SLC7A5: variants seen among roughly 807,000 people sequenced by gnomAD.
SLC7A5 encodes the protein large neutral amino acids transporter small subunit 1.
A neutral mutation model predicts 50.2 loss-of-function variants in SLC7A5; 23 were observed. The observed-to-expected ratio is 0.46, with a 90% confidence interval of 0.33 to 0.65. The LOEUF (loss-of-function observed/expected upper bound fraction) is 0.65, where lower values mean the gene tolerates loss of function less well. Ranked by LOEUF, SLC7A5 falls within the 30% of genes least tolerant of loss-of-function variation. SLC7A5 has a pLI of 0.02. For synonymous variants in SLC7A5, 393 were observed against 330.6 expected (o/e 1.19, Z -2.05); for missense variants, 578 against 684.4 (o/e 0.84, Z 1.73).
rs540100031 is a variant in SLC7A5, at chr16:87,833,193, C to T, written c.1469-168G>A. Among the ~76,000 whole-genome samples, 34 of 152,332 alleles carry T rather than the reference C, an allele frequency of 2.2e-4. No individual in the cohort carries two copies. Among genetic ancestry groups the T allele is most frequent in the Non-Finnish European group, 4.3e-4 (29 of 68,028 alleles). ...CCTTGTGTACTTGCGCATGTGGGTG[C>T]CGGGTGCCCGAGGCGCTGTCTTCAA... is the stretch of plus-strand genomic sequence containing the variant. On this transcript the variant is annotated intron_variant, in intron 9 of 9. Transcript: ENST00000261622. This position sits in a 1 kb window ranked among gnomAD's most constrained non-coding sequence, Gnocchi z 6.0.
At chr16:87,854,268 A>G (rs940753770) in intron 1 of SLC7A5, among the ~76,000 whole-genome samples, 4 of 152,138 alleles carry the variant, frequency 2.6e-5, no homozygotes, top group Non-Finnish European at 4.4e-5. Context: ...ATGGCCATAG[A>G]ACAAAGGGGA....
At chr16:87,835,697 A>G (rs563557238) in intron 8 of SLC7A5, among the ~76,000 whole-genome samples, 25 of 152,142 alleles carry the variant, frequency 1.6e-4, no homozygotes, top group East Asian at 1.9e-4. Context: ...GATGGTCTCT[A>G]TCTCCTGACT....
chr16:87,859,613 G>A (rs2055363338), intron 1 of SLC7A5, among the ~76,000 whole-genome samples: 1 of 152,126 alleles, frequency 6.6e-6, no homozygotes. Context: ...CCTCCCTCTG[G>A]AATTCAGGTA....
intron 7 of SLC7A5, chr16:87,837,295 T>G (rs1265265045): frequency 5.6e-6 from 1 of 178,256 alleles, no homozygotes; most frequent in African/African-American, 2.6e-5. Context: ...AGGAAGCCAC[T>G]GTGGAGTGGC....
chr16:87,841,603 T>C lies in SLC7A5; in HGVS notation c.665-448A>G, dbSNP rs2055083826. Among the ~76,000 whole-genome samples the C allele has an allele frequency of 6.6e-6, 1 of 152,104 alleles. No homozygotes were observed. The highest frequency in any genetic ancestry group is 2.4e-5 in the African/African-American group (1 of 41,416). Reference sequence around the variant, plus strand: ...GCCACTAGGGCCCTGCTTCTTGGGGTGCGAGGAGCTCGGAACAGACTGCCC... The same window carrying C: ...GCCACTAGGGCCCTGCTTCTTGGGGCGCGAGGAGCTCGGAACAGACTGCCC... On this transcript the variant is annotated intron_variant, in intron 2 of 9. Coordinates refer to ENST00000261622, the MANE Select transcript of SLC7A5 (RefSeq NM_003486.7). The surrounding 1 kb of genome is among the most constrained non-coding windows in gnomAD (Gnocchi z 4.8).
chr16:87,851,217 A>C (rs1336226330), intron 2 of SLC7A5, among the ~76,000 whole-genome samples: 1 of 151,692 alleles, frequency 6.6e-6, no homozygotes, highest in Non-Finnish European at 1.5e-5. Context: ...CTTCTTTAAA[A>C]AGCAGACAGA....
chr16:87,857,156 T>C (rs2055332016), intron 1 of SLC7A5, among the ~76,000 whole-genome samples: 1 of 151,580 alleles, frequency 6.6e-6, no homozygotes, highest in Admixed American at 6.6e-5. Context: ...GAGAGAGAGG[T>C]CAAAGTGGTC....
intron 7 of SLC7A5, chr16:87,837,614 G>C: frequency 3.8e-6 from 2 of 528,478 alleles, no homozygotes; most frequent in South Asian, 4.6e-5. Flanking sequence ...TCTGCCTCCC[G>C]CATTTCCGAT....
At chr16:87,840,360 G>T in intron 4 of SLC7A5, 69 bp downstream of exon 4, 3 of 1,358,990 alleles carry the variant, frequency 2.2e-6, no homozygotes, top group African/African-American at 1.4e-5. Flanking sequence ...GCTTCGAGTG[G>T]AATGTGGCTG....
intron 1 of SLC7A5, among the ~76,000 whole-genome samples, chr16:87,863,255 A>C (rs2055421231): frequency 6.6e-6 from 1 of 152,292 alleles, no homozygotes; most frequent in Middle Eastern, 3.4e-3. Context: ...TGAGGCCCAC[A>C]GCATCTTCTG....
At position 87,851,855 on chromosome 16, in the gene SLC7A5, G is replaced by A. The variant is rs763275022; in HGVS notation, c.539-6C>T. 8 of 1,612,878 alleles carry A rather than the reference G, an allele frequency of 5.0e-6. No individual in the cohort carries two copies. The highest frequency in any genetic ancestry group is 5.1e-6 in the Non-Finnish European group (6 of 1,179,962). On this transcript the variant is annotated splice_region_variant and splice_polypyrimidine_tract_variant and intron_variant, in intron 1 of 9. Coordinates refer to ENST00000261622, the MANE Select transcript of SLC7A5 (RefSeq NM_003486.7). Reference sequence around the variant, plus strand: ...GTTCACGGCCGTGAGCAGCACTGTGGAGACAGAGGGCAGCGGTGAGTTCCA... The same window carrying A: ...GTTCACGGCCGTGAGCAGCACTGTGAAGACAGAGGGCAGCGGTGAGTTCCA...
At position 87,833,637 on chromosome 16, in the gene SLC7A5, AGGGGTGGGGG is replaced by A; in HGVS notation, c.1469-622_1469-613del. On this transcript the variant is annotated intron_variant, in intron 9 of 9. Coordinates refer to ENST00000261622, the MANE Select transcript of SLC7A5 (RefSeq NM_003486.7). The surrounding 1 kb of genome is among the most constrained non-coding windows in gnomAD (Gnocchi z 6.0). Reference sequence around the variant, plus strand: ...CCTGGCGGTGATCAGAGTGTGGGGTAGGGGTGGGGGGTCTCCCTGCCTGTGTTGCTGCCAT... The same window carrying A: ...CCTGGCGGTGATCAGAGTGTGGGGTAGTCTCCCTGCCTGTGTTGCTGCCAT... Among the ~76,000 whole-genome samples, 1 of 123,852 alleles carries A rather than the reference AGGGGTGGGGG, an allele frequency of 8.1e-6. No individual in the cohort carries two copies. Among genetic ancestry groups the A allele is most frequent in the African/African-American group, 6.3e-5 (1 of 15,766 alleles). The allele number at this position is 123,852 out of a possible 152,430, so 81.3% of individuals were successfully genotyped here.
chr16:87,863,061 G>T (rs1192946670), intron 1 of SLC7A5, among the ~76,000 whole-genome samples: 1 of 152,240 alleles, frequency 6.6e-6, no homozygotes, highest in Non-Finnish European at 1.5e-5. Context: ...TCACCCAACT[G>T]GGACAGGGAA....
intron 1 of SLC7A5, among the ~76,000 whole-genome samples, chr16:87,864,680 C>T (rs2055439603): frequency 6.6e-6 from 1 of 152,250 alleles, no homozygotes; most frequent in South Asian, 2.1e-4. Context: ...AGGGTCCCAG[C>T]CGCTTATAGG....
Position 87,834,637 on chromosome 16 carries a change from TC to T in SLC7A5, c.1291-47del, listed in dbSNP as rs1251344925. 3 of 1,552,710 alleles carry T rather than the reference TC, an allele frequency of 1.9e-6. No individual in the cohort carries two copies. In the East Asian group the frequency reaches 7.1e-5, roughly 37 times the overall value. ...TGGGTGAGCCCTCTCCTGTCCAGCC[TC>T]CCTCCCCCATGCCCCGAGGTTCCTC... On this transcript the variant is annotated intron_variant, in intron 8 of 9. Coordinates refer to ENST00000261622, the MANE Select transcript of SLC7A5 (RefSeq NM_003486.7).
At chr16:87,843,698 G>A (rs959568469) in intron 2 of SLC7A5, among the ~76,000 whole-genome samples, 4 of 152,150 alleles carry the variant, frequency 2.6e-5, no homozygotes, top group Admixed American at 6.5e-5. Context: ...CTGTCACGAC[G>A]GCGGGGTGCG....
At chr16:87,867,195 T>C (rs2055473152) in intron 1 of SLC7A5, among the ~76,000 whole-genome samples, 1 of 152,234 alleles carries the variant, frequency 6.6e-6, no homozygotes, top group African/African-American at 2.4e-5. Flanking sequence ...GCTGGGATTA[T>C]AGGCGTGGGC....
Position 87,852,639 on chromosome 16 carries a change from T to TGTGTGTGTGTGTGC in SLC7A5, c.539-791_539-790insGCACACACACACAC, listed in dbSNP as rs2055248233. Among the ~76,000 whole-genome samples, 1 of 22,310 alleles carries TGTGTGTGTGTGTGC rather than the reference T, an allele frequency of 4.5e-5. No individual in the cohort carries two copies. The highest frequency in any genetic ancestry group is 6.9e-5 in the Non-Finnish European group (1 of 14,488). The allele number at this position is 22,310 out of a possible 152,430, so 14.6% of individuals were successfully genotyped here. On this transcript the variant is annotated intron_variant, in intron 1 of 9. Coordinates refer to ENST00000261622, the MANE Select transcript of SLC7A5 (RefSeq NM_003486.7). The surrounding 1 kb of genome is among the most constrained non-coding windows in gnomAD (Gnocchi z 4.5). ...TGTAAGGCACCCAGCTCTGAGCCTC[T>TGTGTGTGTGTGTGC]GTGTGTGTGTGTGTGTGTGTGTGTG...
chr16:87,846,130 T>C (rs1199850403), intron 2 of SLC7A5, among the ~76,000 whole-genome samples: 2 of 152,232 alleles, frequency 1.3e-5, no homozygotes, highest in African/African-American at 4.8e-5. Flanking sequence ...GCCGCAGCCC[T>C]GGCTCCAGGC....
Sources: allele counts gnomAD v4.1 joint callset (sites outside exome capture counted in the v4.1 genomes callset), GRCh38; gene constraint gnomAD v4.1.1; non-coding constraint Gnocchi (gnomAD v3.1); transcripts MANE v1.5; gene names NCBI Gene and HGNC (gene_info 2026-07-23, HGNC 2026-07-21).